The following MMEL1 variants were observed in gnomAD, a reference collection of about 807,000 sequenced individuals.
MMEL1 encodes the protein membrane metallo-endopeptidase-like 1.
MMEL1 carries 98 observed loss-of-function variants against 117.1 expected under a neutral mutation model. The ratio of observed to expected loss-of-function variants is 0.84; its 90% CI spans 0.71 to 0.99. The LOEUF (loss-of-function observed/expected upper bound fraction) is 0.99. MMEL1 is among the 50% of genes least tolerant of loss of function. The pLI is 0.00. For synonymous variants in MMEL1, 390 were observed against 415.1 expected (o/e 0.94, Z 0.74); for missense variants, 1,014 against 1,049.1 (o/e 0.97, Z 0.46).
rs866410084 is a variant in MMEL1, at chr1:2,618,166, C to A, written c.155-5962G>T. Among the ~76,000 whole-genome samples, 8 of 152,242 alleles carry A rather than the reference C, an allele frequency of 5.3e-5. 1 individual carries two copies. The Middle Eastern group carries it at 0.017, about 324-fold the overall frequency. On this transcript the variant is annotated intron_variant, in intron 2 of 23. Coordinates refer to ENST00000378412, the MANE Select transcript of MMEL1 (RefSeq NM_033467.4). Reference sequence around the variant, plus strand: ...GTGATACCCAATGTTGGGGGTGGGGCCTGGTGGGAGGTGTTTGGATTGTGG... The same window carrying A: ...GTGATACCCAATGTTGGGGGTGGGGACTGGTGGGAGGTGTTTGGATTGTGG...
intron 2 of MMEL1, among the ~76,000 whole-genome samples, chr1:2,618,922 A>T (rs1177850270): frequency 6.6e-6 from 1 of 152,200 alleles, no homozygotes; most frequent in Non-Finnish European, 1.5e-5. Context: ...CCTGGATCTG[A>T]GTCTTCTCTG....
At chr1:2,594,676 C>G (rs866871473) in intron 17 of MMEL1, 114 bp downstream of exon 17, 1 of 985,858 alleles carries the variant, frequency 1.0e-6, no homozygotes, top group Middle Eastern at 3.0e-4. Context: ...CACCCCTCAG[C>G]TGGCACTGGA....
chr1:2,607,145 C>T (rs1645042294), intron 6 of MMEL1, 76 bp from the exon 7 acceptor site: 12 of 1,302,924 alleles, frequency 9.2e-6, no homozygotes, highest in Middle Eastern at 1.8e-4. Flanking sequence ...GTGGGGGCGC[C>T]GTTGGCCGGC....
intron 2 of MMEL1, among the ~76,000 whole-genome samples, chr1:2,613,123 G>A (rs1645154839): frequency 6.6e-6 from 1 of 152,236 alleles, no homozygotes; most frequent in South Asian, 2.1e-4. Context: ...CAGGCCAGAT[G>A]CTGCAGTTCA....
intron 5 of MMEL1, 96 bp from the exon 6 acceptor site, chr1:2,609,515 G>A: frequency 2.0e-6 from 3 of 1,509,860 alleles, no homozygotes; most frequent in Non-Finnish European, 2.7e-6. Context: ...GCGAGAGGCG[G>A]CCCCCCAGCT....
intron 2 of MMEL1, among the ~76,000 whole-genome samples, chr1:2,616,821 T>C (rs562020122): frequency 6.6e-6 from 1 of 152,356 alleles, no homozygotes; most frequent in South Asian, 2.1e-4. Flanking sequence ...GCCTCCTTCA[T>C]GCCTGCATCC....
At chr1:2,602,051 T>A (rs907517547) in intron 11 of MMEL1, among the ~76,000 whole-genome samples, 2 of 69,790 alleles carry the variant, frequency 2.9e-5, no homozygotes, top group African/African-American at 1.6e-4. Context: ...CACACAGGCA[T>A]GGGCATGACA....
intron 2 of MMEL1, among the ~76,000 whole-genome samples, chr1:2,623,243 C>T (rs567848197): frequency 6.6e-6 from 1 of 151,504 alleles, no homozygotes; most frequent in East Asian, 1.9e-4. Context: ...TTAAACTGTT[C>T]TAAATGCTTG....
In MMEL1 at chr1:2,612,348, C is replaced by A; in HGVS notation, c.155-144G>T. The A allele has an allele frequency of 1.5e-6, 1 of 650,598 alleles. No homozygotes were observed. The highest frequency in any genetic ancestry group is 2.7e-6 in the Non-Finnish European group (1 of 374,636). The allele number at this position is 650,598 out of a possible 1,614,324, so 40.3% of individuals were successfully genotyped here. On this transcript the variant is annotated intron_variant, in intron 2 of 23. Coordinates refer to ENST00000378412, the MANE Select transcript of MMEL1 (RefSeq NM_033467.4). The surrounding 1 kb of genome is among the most constrained non-coding windows in gnomAD (Gnocchi z 5.4). ...CTGTAGTGAGGGCTGGTCCCCAGGG[C>A]AGCGAGACAGGAGATCCACAGAGTT...
At chr1:2,607,208 C>T (rs1645043651) in intron 6 of MMEL1, 139 bp from the exon 7 acceptor site, 1 of 686,802 alleles carries the variant, frequency 1.5e-6, no homozygotes, top group South Asian at 1.7e-5. Flanking sequence ...GCCTCCCAGC[C>T]TCTGGGCCTT....
At chr1:2,608,372 C>G (rs1557540975) in intron 6 of MMEL1, among the ~76,000 whole-genome samples, 1 of 152,106 alleles carries the variant, frequency 6.6e-6, no homozygotes. Flanking sequence ...GTGCTCCAAG[C>G]ACGTGAATTC....
chr1:2,628,340 GAC>G (rs1181075935), intron 2 of MMEL1, among the ~76,000 whole-genome samples: 2 of 152,252 alleles, frequency 1.3e-5, no homozygotes, highest in Admixed American at 1.3e-4. Flanking sequence ...CTGCTTCACA[GAC>G]ACAGCCTCCC....
intron 1 of MMEL1, among the ~76,000 whole-genome samples, chr1:2,632,156 C>T (rs756426838): frequency 2.9e-5 from 4 of 139,458 alleles, no homozygotes. Flanking sequence ...CCAGTGGGGC[C>T]TTCCTTGGCT....
chr1:2,598,828 A>AGAGAGGGAGAAACAGTTCCT, intron 11 of MMEL1, 38 bp from the exon 12 acceptor site: 2 of 1,571,328 alleles, frequency 1.3e-6, no homozygotes, highest in Non-Finnish European at 1.7e-6. Context: ...AGGGAGAGAG[A>AGAGAGGGAGAAACAGTTCCT]GAGAGGGAGA....
intron 3 of MMEL1, 111 bp from the exon 4 acceptor site, chr1:2,611,451 G>T: frequency 3.6e-6 from 1 of 275,332 alleles, no homozygotes; most frequent in Non-Finnish European, 7.0e-6. Context: ...GATGGGCATA[G>T]ACTGGGGTGG....
In MMEL1 at chr1:2,612,291, T is replaced by G; in HGVS notation, c.155-87A>C. The G allele has an allele frequency of 9.0e-7, 1 of 1,116,316 alleles. No homozygotes were observed. The highest frequency in any genetic ancestry group is 2.6e-5 in the East Asian group (1 of 39,064). 69.2% of individuals were successfully genotyped at this position (1,116,316 alleles called of 1,614,324 possible). A position where few individuals can be genotyped will look rare whatever the true frequency, so the allele number is the denominator to read the frequency against. ...GGCCTCCCTGGGTCAGCACGCCATC[T>G]TCCCACAGTGCTGGGTGCTGCAGCC... is the stretch of plus-strand genomic sequence containing the variant. On this transcript the variant is annotated intron_variant, in intron 2 of 23. Transcript: ENST00000378412. This position sits in a 1 kb window ranked among gnomAD's most constrained non-coding sequence, Gnocchi z 5.4.
chr1:2,612,083 G>C lies in MMEL1; in HGVS notation c.232+44C>G. ...AGTCCCCCCACCTTGGGAGGCCAGC[G>C]CCCACCTGCCTGGGGCTGTTTTGGA... On this transcript the variant is annotated intron_variant, in intron 3 of 23. Transcript: ENST00000378412. This position sits in a 1 kb window ranked among gnomAD's most constrained non-coding sequence, Gnocchi z 5.4. The C allele has an allele frequency of 6.6e-7, 1 of 1,510,146 alleles. No homozygotes were observed. 93.5% of individuals were successfully genotyped at this position (1,510,146 alleles called of 1,614,324 possible).
rs1194552158 is a variant in MMEL1, at chr1:2,603,912, T to C, written c.1013A>G (p.Glu338Gly). 1.2e-6 allele frequency: 2 copies of C among 1,613,816 alleles called. No homozygotes were observed. The highest frequency in any genetic ancestry group is 8.5e-7 in the Non-Finnish European group (1 of 1,179,986). ...CAGGCCAAACTGGCTTTGCAGCTCC[T>C]CCAGTCCCATCCGGTGGTACAAGGC... ...VIALYHRMGL[E>G]ELQSQFGLKG... Residue 338 changes from glutamate to glycine, a missense_variant, in exon 11 of 24, where the codon GAG becomes GGG. By Grantham distance (98) the Glu-to-Gly change is moderately conservative. Transcript: ENST00000378412.
intron 11 of MMEL1, among the ~76,000 whole-genome samples, chr1:2,603,294 C>T (rs1234201066): frequency 6.6e-6 from 1 of 152,220 alleles, no homozygotes; most frequent in East Asian, 1.9e-4. Context: ...GCCTGCGCCT[C>T]CTGGGGGAGG....
Sources: gnomAD v4.1 joint callset for allele counts (sites outside exome capture counted in the v4.1 genomes callset) on GRCh38, gnomAD v4.1.1 for gene constraint, Gnocchi (gnomAD v3.1) non-coding constraint, MANE v1.5 for transcripts, NCBI Gene and HGNC (gene_info 2026-07-23, HGNC 2026-07-21) for gene names.